The following NLK variants were observed in gnomAD, a reference collection of about 807,000 sequenced individuals.
NLK encodes the protein nemo like kinase.
NLK carries 11 observed loss-of-function variants against 59.0 expected under a neutral mutation model. That is an observed-to-expected ratio of 0.19 (90% CI 0.12 to 0.31). The LOEUF is 0.31. NLK is among the 10% of genes least tolerant of loss of function. The pLI is 1.00. For synonymous variants in NLK, 235 were observed against 235.9 expected, an observed-to-expected ratio of 1.00 and a Z score of 0.03; for missense variants, 410 against 661.1, an observed-to-expected ratio of 0.62 and a Z score of 4.16.
At chr17:28,106,366 T>C (rs1905080561) in intron 1 of NLK, among the ~76,000 whole-genome samples, 1 of 152,200 alleles carries the variant, frequency 6.6e-6, no homozygotes, top group African/African-American at 2.4e-5. Context: ...AGAACTTCTT[T>C]TGTAAAATTG....
intron 1 of NLK, among the ~76,000 whole-genome samples, chr17:28,077,655 A>G (rs1392559199): frequency 6.6e-6 from 1 of 152,236 alleles, no homozygotes; most frequent in East Asian, 1.9e-4. Flanking sequence ...CTGGAGATAA[A>G]ATTAGGCATC....
chr17:28,153,947 C>G (rs1907593034), intron 3 of NLK, among the ~76,000 whole-genome samples: 1 of 152,138 alleles, frequency 6.6e-6, no homozygotes, highest in African/African-American at 2.4e-5. Flanking sequence ...GAACAATTTG[C>G]TGTCAGTCTT....
chr17:28,094,231 T>G (rs1177071890), intron 1 of NLK, among the ~76,000 whole-genome samples: 1 of 152,176 alleles, frequency 6.6e-6, no homozygotes, highest in African/African-American at 2.4e-5. Flanking sequence ...GGTTAGATTC[T>G]TCAGGTTTCT....
chr17:28,063,423 T>TAC (rs1450119009), intron 1 of NLK, among the ~76,000 whole-genome samples: 2 of 152,184 alleles, frequency 1.3e-5, no homozygotes, highest in African/African-American at 4.8e-5. Context: ...TTTATATATA[T>TAC]ACACTTTTTT....
chr17:28,092,099 G>A (rs1346874088), intron 1 of NLK, among the ~76,000 whole-genome samples: 1 of 152,190 alleles, frequency 6.6e-6, no homozygotes, highest in East Asian at 1.9e-4. Context: ...CTTTGGATTG[G>A]TGACATGTAG....
At chr17:28,100,679 G>A (rs1904873566) in intron 1 of NLK, among the ~76,000 whole-genome samples, 1 of 152,074 alleles carries the variant, frequency 6.6e-6, no homozygotes, top group African/African-American at 2.4e-5. Flanking sequence ...TCTTAACAGT[G>A]TATTTTGAAG....
intron 3 of NLK, among the ~76,000 whole-genome samples, chr17:28,133,397 A>G (rs1327712590): frequency 1.3e-5 from 2 of 152,156 alleles, no homozygotes; most frequent in Non-Finnish European, 2.9e-5. Flanking sequence ...GCCCTTACCT[A>G]TGTGATTCTC....
chr17:28,046,651 C>T (rs1331111146), intron 1 of NLK, among the ~76,000 whole-genome samples: 1 of 152,098 alleles, frequency 6.6e-6, no homozygotes. Context: ...GAGGAAAATG[C>T]TGTGGTTAAA....
intron 1 of NLK, among the ~76,000 whole-genome samples, chr17:28,045,571 G>A (rs1007397541): frequency 6.6e-6 from 1 of 152,070 alleles, no homozygotes; most frequent in Admixed American, 6.6e-5. Context: ...AGCTGTTACA[G>A]GTGAAATACA....
chr17:28,049,315 A>T (rs1032117051), intron 1 of NLK, among the ~76,000 whole-genome samples: 6 of 152,168 alleles, frequency 3.9e-5, no homozygotes, highest in Non-Finnish European at 8.8e-5. Flanking sequence ...TCTTTACCTA[A>T]ACCCAGTTTT....
the NLK span, among the ~76,000 whole-genome samples, chr17:28,202,479 C>T: frequency 2.0e-5 from 3 of 151,102 alleles, no homozygotes; most frequent in South Asian, 2.1e-4. Flanking sequence ...TGAGCCACTG[C>T]GCCTGGCCAG....
At chr17:28,146,296 A>G (rs1461082841) in intron 3 of NLK, among the ~76,000 whole-genome samples, 2 of 152,154 alleles carry the variant, frequency 1.3e-5, no homozygotes, top group African/African-American at 4.8e-5. Context: ...AAATGAATTA[A>G]TGTACGTTGA....
chr17:28,174,202 A>C (rs578132338), intron 7 of NLK, among the ~76,000 whole-genome samples: 1 of 152,326 alleles, frequency 6.6e-6, no homozygotes, highest in East Asian at 1.9e-4. Flanking sequence ...ACTTTCCATG[A>C]AATAAAAAAA....
At chr17:28,184,499 G>T (rs1909037840) in intron 7 of NLK, among the ~76,000 whole-genome samples, 1 of 152,120 alleles carries the variant, frequency 6.6e-6, no homozygotes, top group Non-Finnish European at 1.5e-5. Context: ...GGCTTTATTT[G>T]GAAGCCTCCC....
chr17:28,185,255 T>G lies in NLK; in HGVS notation c.1226T>G (p.Val409Gly). 1 of 1,575,904 alleles carries G rather than the reference T, an allele frequency of 6.3e-7. No homozygotes were observed. Among genetic ancestry groups the G allele is most frequent in the Non-Finnish European group, 8.6e-7 (1 of 1,157,534 alleles). ...EAVHLLCRMLVFDPSKRISAK... is the reference protein window; with the variant it reads ...EAVHLLCRMLGFDPSKRISAK... ...GTTCATCTCCTTTGCAGGATGTTGG[T>G]CTTTGATCCAGTAAGTAGTGTTTTT... Residue 409 changes from valine to glycine, a missense_variant, in exon 8 of 11, where the codon GTC (valine) becomes GGC (glycine). Physicochemically the swap from Val to Gly is moderately radical, Grantham distance 109 (BLOSUM62 -3). Around this residue, in one of 5 missense-constraint regions of NLK, gnomAD observed 150 missense variants for 244.3 expected, o/e 0.61. Transcript: ENST00000407008.
At chr17:28,065,452 G>T (rs776948718) in intron 1 of NLK, among the ~76,000 whole-genome samples, 1 of 152,170 alleles carries the variant, frequency 6.6e-6, no homozygotes, top group Non-Finnish European at 1.5e-5. Context: ...TGATCGCTAA[G>T]AGATGAGAAC....
chr17:28,192,924 G>A (rs1909360051), intron 10 of NLK, among the ~76,000 whole-genome samples: 1 of 152,222 alleles, frequency 6.6e-6, no homozygotes, highest in Non-Finnish European at 1.5e-5. Context: ...GACTGCTGGT[G>A]TAGCCTATTT....
At chr17:28,151,545 A>G (rs1597711990) in intron 3 of NLK, among the ~76,000 whole-genome samples, 3 of 152,308 alleles carry the variant, frequency 2.0e-5, no homozygotes, top group Admixed American at 6.5e-5. Context: ...TAAAAATCCT[A>G]TATTTAAAAT....
chr17:28,123,002 T>C (rs1597694903), intron 2 of NLK, among the ~76,000 whole-genome samples: 1 of 152,346 alleles, frequency 6.6e-6, no homozygotes, highest in African/African-American at 2.4e-5. Flanking sequence ...GCTTTCCTTT[T>C]ATATATACTC....
Sources: allele counts gnomAD v4.1 joint callset (sites outside exome capture counted in the v4.1 genomes callset), GRCh38; gene constraint gnomAD v4.1.1; regional missense constraint gnomAD v4.1.1; transcripts MANE v1.5; gene names NCBI Gene and HGNC (gene_info 2026-07-23, HGNC 2026-07-21).